Variants in EPC2 observed in about 807,000 individuals in gnomAD.
EPC2 encodes enhancer of polycomb 2.
A neutral mutation model predicts 92.1 loss-of-function variants in EPC2; 14 were observed. That is an observed-to-expected ratio of 0.15 (90% CI 0.10 to 0.24). The LOEUF (loss-of-function observed/expected upper bound fraction) is 0.24. EPC2 is among the 10% of genes least tolerant of loss of function. EPC2 has a pLI of 1.00. For synonymous variants in EPC2, 340 were observed against 334.7 expected, an observed-to-expected ratio of 1.02 and a Z score of -0.17; for missense variants, 755 against 971.5, an observed-to-expected ratio of 0.78 and a Z score of 2.96.
intron 2 of EPC2, among the ~76,000 whole-genome samples, chr2:148,706,983 G>A (rs961689604): frequency 6.6e-5 from 10 of 152,004 alleles, no homozygotes; most frequent in African/African-American, 2.4e-4. Context: ...GACAGGATCA[G>A]ATTCACACAT....
At chr2:148,744,527 CTT>C (rs1215073152) in intron 3 of EPC2, among the ~76,000 whole-genome samples, 1 of 151,978 alleles carries the variant, frequency 6.6e-6, no homozygotes, top group East Asian at 1.9e-4. Flanking sequence ...ATACAGAACT[CTT>C]TATGTGGAAA....
chr2:148,696,685 C>T (rs1022779224), intron 2 of EPC2, among the ~76,000 whole-genome samples: 4 of 152,310 alleles, frequency 2.6e-5, no homozygotes, highest in African/African-American at 9.6e-5. Context: ...GGTAACTCAG[C>T]AGAACTGATT....
chr2:148,680,104 T>TTA (rs1553443462), intron 1 of EPC2, among the ~76,000 whole-genome samples: 1 of 151,352 alleles, frequency 6.6e-6, no homozygotes, highest in Non-Finnish European at 1.5e-5. Flanking sequence ...TTTTTTTTTT[T>TTA]AAATGTTTCT....
chr2:148,715,035 T>G (rs1428668416), intron 2 of EPC2, among the ~76,000 whole-genome samples: 1 of 103,300 alleles, frequency 9.7e-6, no homozygotes, highest in Non-Finnish European at 2.0e-5. Context: ...GTTTTTTTTT[T>G]TTTTTTTTTT....
rs1430792514 is a variant in EPC2 at position 148,649,346 on chromosome 2, C to T, written c.153+4176C>T. Among the ~76,000 whole-genome samples the T allele has an allele frequency of 2.0e-5, 3 of 152,188 alleles. No homozygotes were observed. The East Asian group carries it at 5.8e-4, about 29-fold the overall frequency. On this transcript the variant is annotated intron_variant, in intron 1 of 13. Coordinates refer to ENST00000258484, the MANE Select transcript of EPC2 (RefSeq NM_015630.4). Reference sequence around the variant, plus strand: ...TCCCTTGTGCTCCTTTGCAACCAGTCCCTTTCCACTCCTAGTCCAAGCAAT... The same window carrying T: ...TCCCTTGTGCTCCTTTGCAACCAGTTCCTTTCCACTCCTAGTCCAAGCAAT...
intron 2 of EPC2, among the ~76,000 whole-genome samples, chr2:148,732,368 C>G (rs1235103758): frequency 6.7e-6 from 1 of 148,354 alleles, no homozygotes; most frequent in Non-Finnish European, 1.5e-5. Flanking sequence ...TGATTCCATT[C>G]TGTTATTTTT....
intron 2 of EPC2, among the ~76,000 whole-genome samples, chr2:148,719,374 G>T (rs555889316): frequency 2.8e-4 from 42 of 152,236 alleles, no homozygotes; most frequent in African/African-American, 1.0e-3. Context: ...ATCTTTGTGG[G>T]CTTATCTACC....
At chr2:148,732,381 CTT>C (rs752780229) in intron 2 of EPC2, among the ~76,000 whole-genome samples, 12 of 132,918 alleles carry the variant, frequency 9.0e-5, no homozygotes, top group Non-Finnish European at 6.4e-5. Context: ...TTATTTTTGT[CTT>C]TTTTTTTTTT....
chr2:148,741,611 A>G (rs1162509879), intron 2 of EPC2, among the ~76,000 whole-genome samples: 1 of 152,182 alleles, frequency 6.6e-6, no homozygotes, highest in Admixed American at 6.5e-5. Flanking sequence ...CGTGGTATGA[A>G]TGTAGGATAT....
At chr2:148,685,698 C>T (rs529887360) in intron 1 of EPC2, among the ~76,000 whole-genome samples, 2 of 152,320 alleles carry the variant, frequency 1.3e-5, no homozygotes, top group East Asian at 1.9e-4. Flanking sequence ...CTTCGGGGGG[C>T]AGAGCCTGCA....
At chr2:148,663,779 G>A (rs1316490006) in intron 1 of EPC2, among the ~76,000 whole-genome samples, 1 of 151,900 alleles carries the variant, frequency 6.6e-6, no homozygotes, top group Admixed American at 6.6e-5. Flanking sequence ...GTATGAAACT[G>A]TTCCATCTCA....
chr2:148,678,707 C>A (rs1681329326), intron 1 of EPC2, among the ~76,000 whole-genome samples: 1 of 152,264 alleles, frequency 6.6e-6, no homozygotes, highest in African/African-American at 2.4e-5. Context: ...AGCCCACGCC[C>A]ACCTGGAACT....
At chr2:148,687,489 C>T (rs1168248688) in intron 1 of EPC2, among the ~76,000 whole-genome samples, 1 of 152,182 alleles carries the variant, frequency 6.6e-6, no homozygotes, top group African/African-American at 2.4e-5. Flanking sequence ...GTTCTCATGC[C>T]ACATTTTCTG....
At chr2:148,756,494 G>A (rs1683193528) in intron 4 of EPC2, among the ~76,000 whole-genome samples, 1 of 152,196 alleles carries the variant, frequency 6.6e-6, no homozygotes, top group Admixed American at 6.5e-5. Flanking sequence ...AAAAACACTT[G>A]TGTAGTTGAT....
intron 4 of EPC2, among the ~76,000 whole-genome samples, chr2:148,757,820 A>G (rs932185041): frequency 6.6e-6 from 1 of 152,148 alleles, no homozygotes; most frequent in African/African-American, 2.4e-5. Flanking sequence ...GGGCAACAAG[A>G]GTGAAACTCT....
chr2:148,710,770 C>G (rs1682122901), intron 2 of EPC2, among the ~76,000 whole-genome samples: 1 of 152,176 alleles, frequency 6.6e-6, no homozygotes, highest in East Asian at 1.9e-4. Flanking sequence ...ACCGCATGTT[C>G]TCACTCATAG....
intron 2 of EPC2, among the ~76,000 whole-genome samples, chr2:148,733,361 G>C (rs1400251627): frequency 6.6e-6 from 1 of 151,616 alleles, no homozygotes; most frequent in East Asian, 1.9e-4. Flanking sequence ...TTTGTGTAAA[G>C]GGCTAGTTAG....
chr2:148,645,303 G>C (rs572237819), intron 1 of EPC2, 133 bp downstream of exon 1: 31 of 803,628 alleles, frequency 3.9e-5, no homozygotes, highest in South Asian at 3.3e-4. Flanking sequence ...GGGACTCTAC[G>C]CCGGCGGAGT....
intron 2 of EPC2, among the ~76,000 whole-genome samples, chr2:148,699,632 T>G (rs1194664269): frequency 6.6e-6 from 1 of 152,226 alleles, no homozygotes; most frequent in African/African-American, 2.4e-5. Flanking sequence ...TCACAGTTTA[T>G]CCATTCACCT....
Sources: allele counts gnomAD v4.1 joint callset (sites outside exome capture counted in the v4.1 genomes callset), GRCh38; gene constraint gnomAD v4.1.1; transcripts MANE v1.5; gene names NCBI Gene and HGNC (gene_info 2026-07-23, HGNC 2026-07-21).